Variants in GPR39 observed in about 807,000 individuals in gnomAD.
GPR39 encodes the protein G protein-coupled receptor 39.
GPR39 carries 23 observed loss-of-function variants against 18.4 expected under a neutral mutation model. The ratio of observed to expected loss-of-function variants is 1.25; its 90% CI spans 0.90 to 1.77. The LOEUF (loss-of-function observed/expected upper bound fraction) is 1.77. Ranked by LOEUF, GPR39 falls within the 40% of genes most tolerant of loss-of-function variation. The probability of loss-of-function intolerance (pLI) is 0.00; values close to 1 mark genes in which losing one functional copy is unlikely to be tolerated. For synonymous variants in GPR39, 280 were observed against 257.9 expected, an observed-to-expected ratio of 1.09 and a Z score of -0.82; for missense variants, 647 against 602.4, an observed-to-expected ratio of 1.07 and a Z score of -0.78.
At chr2:132,626,017 G>A (rs375896599) in intron 1 of GPR39, among the ~76,000 whole-genome samples, 80 of 151,724 alleles carry the variant, frequency 5.3e-4, no homozygotes, top group South Asian at 1.5e-3. Context: ...GGAGAATGGC[G>A]TGAACCTGGG....
chr2:132,510,212 C>T (rs1679214452), intron 1 of GPR39, among the ~76,000 whole-genome samples: 1 of 152,128 alleles, frequency 6.6e-6, no homozygotes, highest in Admixed American at 6.5e-5. Context: ...GTTCACTGGG[C>T]ACTGGTTACC....
chr2:132,602,605 T>A (rs1681061838), intron 1 of GPR39, among the ~76,000 whole-genome samples: 1 of 151,930 alleles, frequency 6.6e-6, no homozygotes, highest in Non-Finnish European at 1.5e-5. Context: ...AGAAAACCTG[T>A]AGAATGGGAG....
chr2:132,486,215 G>T (rs1380962743), intron 1 of GPR39, among the ~76,000 whole-genome samples: 1 of 152,176 alleles, frequency 6.6e-6, no homozygotes, highest in East Asian at 1.9e-4. Flanking sequence ...CAGATGTGCT[G>T]CCTTCCAAGC....
rs75743420 is a variant in GPR39, at chr2:132,516,995, C to T, written c.856+99097C>T. On this transcript the variant is annotated intron_variant, in intron 1 of 1. Transcript: ENST00000329321. ...AATAGCAAAAGATTAAAAATAACAC[C>T]GATGTCCATCTATAGGGTCCTGGCT... Among the ~76,000 whole-genome samples, 872 of 152,130 alleles carry T rather than the reference C, an allele frequency of 5.7e-3. 3 individuals carry two copies. The highest frequency in any genetic ancestry group is 9.4e-3 in the Admixed American group (143 of 15,282).
chr2:132,444,552 T>C (rs1680501348), intron 1 of GPR39, among the ~76,000 whole-genome samples: 1 of 152,180 alleles, frequency 6.6e-6, no homozygotes, highest in Non-Finnish European at 1.5e-5. Context: ...CCTCCCACAG[T>C]GTTAAGATTA....
chr2:132,540,797 C>T (rs1025686915), intron 1 of GPR39, among the ~76,000 whole-genome samples: 1 of 152,266 alleles, frequency 6.6e-6, no homozygotes, highest in Admixed American at 6.5e-5. Flanking sequence ...GCACCCATAT[C>T]CTCTTGCTCG....
At chr2:132,431,445 A>G (rs888670542) in intron 1 of GPR39, among the ~76,000 whole-genome samples, 1 of 152,236 alleles carries the variant, frequency 6.6e-6, no homozygotes, top group Non-Finnish European at 1.5e-5. Flanking sequence ...AGTAAAATTT[A>G]TTAAAGTTTT....
At chr2:132,499,435 T>C (rs897133042) in intron 1 of GPR39, among the ~76,000 whole-genome samples, 3 of 152,212 alleles carry the variant, frequency 2.0e-5, no homozygotes, top group African/African-American at 4.8e-5. Context: ...ACCAGTTCCA[T>C]GCTGTTTTGG....
In GPR39 at chr2:132,593,407, T is replaced by C. The variant is rs146803335; in HGVS notation, c.857-51694T>C. Among the ~76,000 whole-genome samples, 65 of 152,270 alleles carry C rather than the reference T, an allele frequency of 4.3e-4. 1 individual carries two copies. In the East Asian group the frequency reaches 0.013, roughly 29 times the overall value. ...TGAGCTATCTCATTAGCAACAACTA[T>C]GTAGGGACCCACCATGAGTCACTTC... is the stretch of plus-strand genomic sequence containing the variant. On this transcript the variant is annotated intron_variant, in intron 1 of 1. Coordinates refer to ENST00000329321, the MANE Select transcript of GPR39 (RefSeq NM_001508.3).
At chr2:132,570,046 G>C (rs1016298542) in intron 1 of GPR39, among the ~76,000 whole-genome samples, 1 of 152,188 alleles carries the variant, frequency 6.6e-6, no homozygotes, top group Non-Finnish European at 1.5e-5. Flanking sequence ...GTGCCTGGAA[G>C]CAGAACTGGG....
intron 1 of GPR39, among the ~76,000 whole-genome samples, chr2:132,489,736 C>T (rs1681420783): frequency 6.6e-6 from 1 of 151,868 alleles, no homozygotes; most frequent in South Asian, 2.1e-4. Context: ...TTTATATATG[C>T]ACTGCAGTGC....
chr2:132,574,518 C>T (rs1680497914), intron 1 of GPR39, among the ~76,000 whole-genome samples: 1 of 152,036 alleles, frequency 6.6e-6, no homozygotes, highest in Non-Finnish European at 1.5e-5. Flanking sequence ...ATCTCTTGAC[C>T]CCAGGATTTC....
At chr2:132,593,245 A>G (rs1251236635) in intron 1 of GPR39, among the ~76,000 whole-genome samples, 1 of 152,162 alleles carries the variant, frequency 6.6e-6, no homozygotes, top group African/African-American at 2.4e-5. Flanking sequence ...TCACTACATA[A>G]GCCTGATTGA....
intron 1 of GPR39, among the ~76,000 whole-genome samples, chr2:132,495,014 C>A (rs997030116): frequency 6.6e-6 from 1 of 152,030 alleles, no homozygotes; most frequent in Non-Finnish European, 1.5e-5. Context: ...GGATGTGATC[C>A]CCAGCCCTAG....
chr2:132,567,319 C>CA lies in GPR39; in HGVS notation c.857-77773dup, dbSNP rs201042697. Among the ~76,000 whole-genome samples, 247 of 150,184 alleles carry CA rather than the reference C, an allele frequency of 1.6e-3. 1 individual carries two copies. Among genetic ancestry groups the CA allele is most frequent in the Middle Eastern group, 0.01 (3 of 292 alleles). ...CCTGGGGGACAGAGGGAGACAGTCT[C>CA]AAAAAAAAAGTGGAGCCTTTAAAAG... is the stretch of plus-strand genomic sequence containing the variant. On this transcript the variant is annotated intron_variant, in intron 1 of 1. Coordinates refer to ENST00000329321, the MANE Select transcript of GPR39 (RefSeq NM_001508.3).
At chr2:132,601,815 T>C (rs1293402480) in intron 1 of GPR39, among the ~76,000 whole-genome samples, 2 of 151,934 alleles carry the variant, frequency 1.3e-5, no homozygotes, top group African/African-American at 2.4e-5. Flanking sequence ...ATCTCATATA[T>C]AATAGCTATG....
At chr2:132,520,104 C>A (rs1679396050) in intron 1 of GPR39, among the ~76,000 whole-genome samples, 1 of 152,138 alleles carries the variant, frequency 6.6e-6, no homozygotes, top group South Asian at 2.1e-4. Flanking sequence ...TATATTCTTA[C>A]AACTCCGACC....
intron 1 of GPR39, among the ~76,000 whole-genome samples, chr2:132,581,525 T>A (rs1314380363): frequency 1.2e-4 from 18 of 152,122 alleles, no homozygotes; most frequent in Admixed American, 1.2e-3. Context: ...TCCCTACATT[T>A]CTCTATTGCT....
At chr2:132,585,212 C>A (rs761194379) in intron 1 of GPR39, among the ~76,000 whole-genome samples, 4 of 152,132 alleles carry the variant, frequency 2.6e-5, no homozygotes, top group African/African-American at 4.8e-5. Context: ...CACTGCTTTT[C>A]CCGTAACAAC....
Sources: allele counts gnomAD v4.1 joint callset (sites outside exome capture counted in the v4.1 genomes callset), GRCh38; gene constraint gnomAD v4.1.1; transcripts MANE v1.5; gene names NCBI Gene and HGNC (gene_info 2026-07-23, HGNC 2026-07-21).